ABCA6: variants seen among roughly 807,000 people sequenced by gnomAD.
ABCA6 encodes ATP binding cassette subfamily A member 6.
A neutral mutation model predicts 191.2 loss-of-function variants in ABCA6; 164 were observed. The observed-to-expected ratio is 0.86, with a 90% CI of 0.76 to 0.98. The LOEUF (loss-of-function observed/expected upper bound fraction) is 0.98. Ranked by LOEUF, ABCA6 falls within the 50% of genes least tolerant of loss-of-function variation. The probability of loss-of-function intolerance (pLI) is 0.00; values close to 1 mark genes in which losing one functional copy is unlikely to be tolerated. For synonymous variants in ABCA6, 636 were observed against 647.7 expected, an observed-to-expected ratio of 0.98 and a Z score of 0.27; for missense variants, 1,958 against 1,894.1, an observed-to-expected ratio of 1.03 and a Z score of -0.63.
intron 25 of ABCA6, chr17:69,095,504 C>T (rs543428313): frequency 1.3e-5 from 2 of 152,248 alleles, no homozygotes; most frequent in Admixed American, 6.5e-5. Context: ...GTCAGTGGGT[C>T]GTATAGGTTG....
rs145535386 is a variant in ABCA6, at chr17:69,098,006, C to A, written c.3034G>T (p.Gly1012Trp). ...FPLSHIGLWT[G>W]LPDGSFFLFL... The stretch of plus-strand genomic sequence containing the variant: ...AAGAAAAAGGAACCATCCGGCAACC[C>A]AGTCCAGAGTCCTATGTGGCTCTGA... Residue 1012 changes from glycine (G) to tryptophan (W), a missense_variant, in exon 23 of 39, where the codon GGG becomes TGG. Transcript: ENST00000284425. 9.6e-5 allele frequency: 154 copies of A among 1,610,662 alleles called. No individual in the cohort carries two copies. Among genetic ancestry groups the A allele is most frequent in the African/African-American group, 7.4e-4 (55 of 74,644 alleles).
chr17:69,089,828 T>A (rs919182709), intron 26 of ABCA6, among the ~76,000 whole-genome samples: 1 of 152,120 alleles, frequency 6.6e-6, no homozygotes, highest in Non-Finnish European at 1.5e-5. Flanking sequence ...CTGAAGCATA[T>A]GTTATTACTG....
intron 25 of ABCA6, among the ~76,000 whole-genome samples, chr17:69,091,785 G>GAAAA (rs2072929177): frequency 5.2e-5 from 1 of 19,262 alleles, no homozygotes; most frequent in East Asian, 3.8e-4. Context: ...GCCTCCCAAA[G>GAAAA]TGCTGGGATT....
chr17:69,080,409 T>G (rs1350644093), intron 37 of ABCA6, among the ~76,000 whole-genome samples: 1 of 152,098 alleles, frequency 6.6e-6, no homozygotes, highest in Non-Finnish European at 1.5e-5. Context: ...TCTTCACCAT[T>G]ATGCTGTGCT....
intron 15 of ABCA6, 128 bp downstream of exon 15, chr17:69,113,094 T>C: frequency 9.2e-7 from 1 of 1,087,680 alleles, no homozygotes; most frequent in East Asian, 3.0e-5. Context: ...ACTCCTGTCG[T>C]CCTCCTGACT....
At chr17:69,109,980 C>T (rs2073390224) in intron 17 of ABCA6, 1 of 152,134 alleles carries the variant, frequency 6.6e-6, no homozygotes, top group African/African-American at 2.4e-5. Context: ...AATCTTCTGT[C>T]TGTGAAATTG....
At chr17:69,136,498 A>G (rs929566131) in intron 3 of ABCA6, among the ~76,000 whole-genome samples, 2 of 152,218 alleles carry the variant, frequency 1.3e-5, no homozygotes, top group Non-Finnish European at 2.9e-5. Context: ...TTTTAGGTAC[A>G]TAAAGAAAAA....
At chr17:69,133,171 A>G (rs557822452) in intron 6 of ABCA6, among the ~76,000 whole-genome samples, 13 of 152,320 alleles carry the variant, frequency 8.5e-5, no homozygotes, top group African/African-American at 2.6e-4. Flanking sequence ...CAAAAAATCT[A>G]TGCCTTGTGG....
intron 10 of ABCA6, among the ~76,000 whole-genome samples, chr17:69,122,402 A>C (rs140230939): frequency 1.7e-4 from 26 of 152,172 alleles, no homozygotes; most frequent in African/African-American, 6.0e-4. Flanking sequence ...TTCAATCCCA[A>C]AACTGCTGAG....
chr17:69,125,034 A>C lies in ABCA6; in HGVS notation c.1121T>G (p.Ile374Ser), dbSNP rs754546764. The change falls in exon 9 of 39, where the codon ATT (isoleucine) becomes AGT (serine). Residue 374 changes from isoleucine (I) to serine (S), a missense_variant and splice_region_variant. Ile to Ser is a moderately radical substitution (Grantham distance 142, BLOSUM62 -2). Coordinates refer to ENST00000284425, the MANE Select transcript of ABCA6 (RefSeq NM_080284.3). ...ATTCAAGTTATAATCCAGTTTGATA[A>C]TCTAAGATTCAAAAAATAAAAATAA... ...PFAFTTGMIQIIKLDYNLNGV... is the reference protein window; with the variant it reads ...PFAFTTGMIQSIKLDYNLNGV... 3 of 1,345,148 alleles carry C rather than the reference A, an allele frequency of 2.2e-6. No homozygotes were observed. Among genetic ancestry groups the C allele is most frequent in the Non-Finnish European group, 2.9e-6 (3 of 1,017,134 alleles). The allele number at this position is 1,345,148 out of a possible 1,614,324, so 83.3% of individuals were successfully genotyped here.
chr17:69,079,174 T>G, intron 38 of ABCA6, 36 bp downstream of exon 38: 1 of 1,597,990 alleles, frequency 6.3e-7, no homozygotes, highest in South Asian at 1.1e-5. Context: ...CATGTGAAAT[T>G]TACCAGATGA....
chr17:69,138,569 T>C (rs2073983393), intron 2 of ABCA6, among the ~76,000 whole-genome samples: 1 of 151,874 alleles, frequency 6.6e-6, no homozygotes, highest in South Asian at 2.1e-4. Context: ...TACCAATGAC[T>C]TTCTTCACAG....
chr17:69,096,481 A>G, intron 24 of ABCA6, 128 bp from the exon 25 acceptor site: 2 of 810,308 alleles, frequency 2.5e-6, no homozygotes, highest in Non-Finnish European at 3.6e-6. Context: ...TGAAACTATT[A>G]GTATTTATCA....
intron 36 of ABCA6, 56 bp downstream of exon 36, chr17:69,082,816 GA>G: frequency 6.3e-7 from 1 of 1,597,806 alleles, no homozygotes; most frequent in Non-Finnish European, 8.5e-7. Flanking sequence ...CAGCAAAAAG[GA>G]AACCACTGAG....
intron 11 of ABCA6, among the ~76,000 whole-genome samples, chr17:69,116,726 A>T (rs1341018109): frequency 6.6e-6 from 1 of 152,092 alleles, no homozygotes; most frequent in African/African-American, 2.4e-5. Context: ...AGTGTGTCCC[A>T]AAGGTGTTGC....
chr17:69,115,717 G>A, intron 11 of ABCA6: 1 of 319,724 alleles, frequency 3.1e-6, no homozygotes, highest in East Asian at 5.1e-5. Context: ...GTGACCAATG[G>A]AACAGAACAG....
rs757012789 is a variant in ABCA6, at chr17:69,123,294, A to G, written c.1381T>C (p.Ser461Pro). The change falls in exon 10 of 39, where the codon TCT becomes CCT. Residue 461 changes from serine (S) to proline (P), a missense_variant. By Grantham distance (74) the Ser-to-Pro change is moderately conservative. Coordinates refer to ENST00000284425, the MANE Select transcript of ABCA6 (RefSeq NM_080284.3). The part of the protein sequence containing the change: ...IEKEIDAEHP[S>P]DDYFEPVAPE... ...GCTACTGGTTCAAAATAATCATCAG[A>G]GGGATGCTCAGCATCGATTTCTTTC... 5 of 1,559,920 alleles carry G rather than the reference A, an allele frequency of 3.2e-6. No individual in the cohort carries two copies. The East Asian group carries it at 1.1e-4, about 36-fold the overall frequency.
At chr17:69,124,390 G>A (rs2073710212) in intron 9 of ABCA6, among the ~76,000 whole-genome samples, 1 of 151,912 alleles carries the variant, frequency 6.6e-6, no homozygotes, top group South Asian at 2.1e-4. Flanking sequence ...GACATTTTTG[G>A]TTGTTTGCAA....
intron 25 of ABCA6, among the ~76,000 whole-genome samples, chr17:69,092,127 G>A (rs983498226): frequency 2.0e-5 from 3 of 152,072 alleles, no homozygotes; most frequent in Non-Finnish European, 1.5e-5. Flanking sequence ...ACTGGCAAAT[G>A]GGAAGGAATA....
Sources: allele counts gnomAD v4.1 joint callset (sites outside exome capture counted in the v4.1 genomes callset), GRCh38; gene constraint gnomAD v4.1.1; transcripts MANE v1.5; gene names NCBI Gene and HGNC (gene_info 2026-07-23, HGNC 2026-07-21).